The following NALCN variants were observed in gnomAD, a reference collection of about 807,000 sequenced individuals.
NALCN encodes the protein sodium leak channel, non-selective, also known as sodium leak channel NALCN.
In NALCN, 111 loss-of-function variants were observed where a neutral mutation model predicts 225.3. The ratio of observed to expected loss-of-function variants is 0.49; its 90% CI spans 0.42 to 0.58. NALCN has a LOEUF of 0.58. NALCN is among the 20% of genes least tolerant of loss of function. The pLI, the probability that NALCN is intolerant of heterozygous loss-of-function variation, is 0.00. For missense variants in NALCN, 1,378 were observed against 2,202.4 expected (o/e 0.63, Z 7.49); for synonymous variants, 764 against 769.0 (o/e 0.99, Z 0.11).
Position 101,089,896 on chromosome 13 carries a change from A to G in NALCN, c.3340T>C (p.Leu1114=), listed in dbSNP as rs755287253. ...TCTCTCACTTCCACCCAGCCTTTCAAGGAGAGAACTTCAAACAACGCCAGC... is the reference window on the plus strand; with the variant it reads ...TCTCTCACTTCCACCCAGCCTTTCAGGGAGAGAACTTCAAACAACGCCAGC... ...AMLALFEVLS[L]KGWVEVRDVI... is the part of the protein sequence containing the mutation. The change falls in exon 29 of 44, where the codon TTG becomes CTG. Residue 1114 remains leucine (L), a synonymous_variant. Coordinates refer to ENST00000251127, the MANE Select transcript of NALCN (RefSeq NM_052867.4). The surrounding 1 kb of genome is among the most constrained non-coding windows in gnomAD (Gnocchi z 4.7). 1 of 1,614,088 alleles carries G rather than the reference A, an allele frequency of 6.2e-7. No individual in the cohort carries two copies. Among genetic ancestry groups the G allele is most frequent in the Non-Finnish European group, 8.5e-7 (1 of 1,179,934 alleles).
At chr13:101,137,690 T>C (rs1449646580) in intron 17 of NALCN, among the ~76,000 whole-genome samples, 1 of 152,142 alleles carries the variant, frequency 6.6e-6, no homozygotes, top group Non-Finnish European at 1.5e-5. Flanking sequence ...CAGTAATTAA[T>C]ATATTGCACT....
intron 12 of NALCN, among the ~76,000 whole-genome samples, chr13:101,236,950 TATAAA>T (rs71642581): frequency 0.62 from 91,330 of 148,092 alleles, 28,806 homozygotes; most frequent in East Asian, 0.95. Flanking sequence ...AATAAAATAA[TATAAA>T]ATAAAATAAA....
At chr13:101,207,806 G>C (rs2040371093) in intron 13 of NALCN, among the ~76,000 whole-genome samples, 1 of 152,322 alleles carries the variant, frequency 6.6e-6, no homozygotes, top group South Asian at 2.1e-4. Flanking sequence ...CAACCTGCTT[G>C]GGTCCCCTTC....
At chr13:101,058,455 A>G (rs1412253796) in intron 42 of NALCN, 1 of 183,612 alleles carries the variant, frequency 5.4e-6, no homozygotes, top group African/African-American at 2.4e-5. Context: ...CTGGAGATCC[A>G]CACTTAGAGC....
chr13:101,414,959 A>ATATATTT (rs2047892189), intron 1 of NALCN, among the ~76,000 whole-genome samples: 4 of 151,932 alleles, frequency 2.6e-5, no homozygotes, highest in African/African-American at 7.3e-5. Flanking sequence ...AAAGTATACT[A>ATATATTT]CAGAAGAACG....
chr13:101,124,244 T>C (rs369129397), intron 18 of NALCN, among the ~76,000 whole-genome samples: 1 of 152,198 alleles, frequency 6.6e-6, no homozygotes, highest in Non-Finnish European at 1.5e-5. Context: ...TAATGAACTA[T>C]AATGAAAAAG....
chr13:101,356,544 G>A (rs2046066865), intron 6 of NALCN, among the ~76,000 whole-genome samples: 1 of 151,402 alleles, frequency 6.6e-6, no homozygotes, highest in Admixed American at 6.6e-5. Flanking sequence ...GTAATTAATA[G>A]CCTACCAACC....
intron 30 of NALCN, among the ~76,000 whole-genome samples, chr13:101,088,910 CT>C (rs11303597): frequency 0.72 from 102,444 of 142,854 alleles, 36,953 homozygotes; most frequent in African/African-American, 0.83. Flanking sequence ...TCTTTTTTTT[CT>C]TTTTTTTTTT....
At chr13:101,410,913 T>C (rs2047762155) in intron 1 of NALCN, among the ~76,000 whole-genome samples, 1 of 152,228 alleles carries the variant, frequency 6.6e-6, no homozygotes, top group African/African-American at 2.4e-5. Flanking sequence ...CGTGGTAGCA[T>C]TAGTTTTTGT....
At chr13:101,228,065 C>T (rs564137134) in intron 13 of NALCN, among the ~76,000 whole-genome samples, 1 of 152,220 alleles carries the variant, frequency 6.6e-6, no homozygotes, top group East Asian at 1.9e-4. Flanking sequence ...CCTGTGCTTA[C>T]CTACTGGTTC....
intron 9 of NALCN, among the ~76,000 whole-genome samples, chr13:101,289,109 A>T (rs1382597061): frequency 6.6e-6 from 1 of 152,228 alleles, no homozygotes; most frequent in African/African-American, 2.4e-5. Flanking sequence ...GCAGGGTATT[A>T]TATCATGGGT....
intron 3 of NALCN, among the ~76,000 whole-genome samples, chr13:101,390,077 G>A (rs1466800820): frequency 6.6e-6 from 1 of 152,062 alleles, no homozygotes; most frequent in Non-Finnish European, 1.5e-5. Context: ...GCGAGGTTCT[G>A]TCTCAAAAAA....
At chr13:101,105,574 T>C (rs1345670157) in intron 22 of NALCN, among the ~76,000 whole-genome samples, 1 of 152,086 alleles carries the variant, frequency 6.6e-6, no homozygotes, top group East Asian at 1.9e-4. Flanking sequence ...TCACACTAAG[T>C]GAAGTGGAGA....
At chr13:101,171,906 T>C (rs1432304809) in intron 15 of NALCN, among the ~76,000 whole-genome samples, 1 of 152,196 alleles carries the variant, frequency 6.6e-6, no homozygotes, top group African/African-American at 2.4e-5. Flanking sequence ...GGAAACTATA[T>C]ATGAAAACAC....
intron 15 of NALCN, among the ~76,000 whole-genome samples, chr13:101,173,685 G>A (rs933881058): frequency 2.0e-5 from 3 of 152,080 alleles, no homozygotes; most frequent in South Asian, 2.1e-4. Flanking sequence ...AATGCATAGC[G>A]CTTTCTGAAA....
rs9557613 is a variant in NALCN at position 101,309,476 on chromosome 13, A to G, written c.800-17110T>C. 0.017 allele frequency among the ~76,000 whole-genome samples: 2,610 copies of G among 152,294 alleles called. 144 individuals are homozygous for G. The East Asian group carries it at 0.21, about 12-fold the overall frequency. On this transcript the variant is annotated intron_variant, in intron 7 of 43. Transcript: ENST00000251127. ...ATAGTTTGATAAAATGTAGGGATAC[A>G]TTTCCTCATCTGTCAATCAAAGCAT...
chr13:101,199,712 T>C (rs937425773), intron 13 of NALCN, among the ~76,000 whole-genome samples: 4 of 151,030 alleles, frequency 2.6e-5, no homozygotes, highest in African/African-American at 9.7e-5. Context: ...GACGAGTTAA[T>C]GGGTGCAGCA....
intron 14 of NALCN, among the ~76,000 whole-genome samples, chr13:101,177,803 A>G (rs1160283401): frequency 6.6e-6 from 1 of 152,176 alleles, no homozygotes; most frequent in Non-Finnish European, 1.5e-5. Context: ...AAGGTCAGAA[A>G]GTTGAGATAA....
chr13:101,306,062 C>A (rs143210939), intron 7 of NALCN, among the ~76,000 whole-genome samples: 1 of 152,122 alleles, frequency 6.6e-6, no homozygotes, highest in Non-Finnish European at 1.5e-5. Context: ...CTTTGAAAGC[C>A]GGCCAGTCTG....
Sources: allele counts gnomAD v4.1 joint callset (sites outside exome capture counted in the v4.1 genomes callset), GRCh38; gene constraint gnomAD v4.1.1; non-coding constraint Gnocchi (gnomAD v3.1); transcripts MANE v1.5; gene names NCBI Gene and HGNC (gene_info 2026-07-23, HGNC 2026-07-21).